HS2ST1: variants seen among roughly 807,000 people sequenced by gnomAD.
The protein encoded by HS2ST1 is 2-O-sulfotransferase.
In HS2ST1, 18 loss-of-function variants were observed where a neutral mutation model predicts 42.9. The ratio of observed to expected loss-of-function variants is 0.42; its 90% confidence interval spans 0.29 to 0.62. The LOEUF (loss-of-function observed/expected upper bound fraction) is 0.62, where lower values mean the gene tolerates loss of function less well. Among genes scored for constraint, HS2ST1 ranks in the 20% least tolerant of loss-of-function variants. The pLI, the probability that HS2ST1 is intolerant of heterozygous loss-of-function variation, is 0.21. For synonymous variants in HS2ST1, 146 were observed against 152.9 expected (o/e 0.95, Z 0.33); for missense variants, 334 against 433.8 (o/e 0.77, Z 2.04).
intron 2 of HS2ST1, among the ~76,000 whole-genome samples, chr1:87,080,720 C>T (rs1251440816): frequency 6.6e-6 from 1 of 152,156 alleles, no homozygotes; most frequent in East Asian, 1.9e-4. Flanking sequence ...CTCCATTCCC[C>T]CTGGTAGCTG....
chr1:86,950,360 A>ATAGGTAGG (rs148023492), intron 1 of HS2ST1, among the ~76,000 whole-genome samples: 1 of 151,956 alleles, frequency 6.6e-6, no homozygotes, highest in East Asian at 1.9e-4. Flanking sequence ...GGGTAGATAG[A>ATAGGTAGG]TAGGTAGGTA....
chr1:87,096,754 A>G (rs1274966881), intron 4 of HS2ST1, among the ~76,000 whole-genome samples: 1 of 152,232 alleles, frequency 6.6e-6, no homozygotes, highest in Non-Finnish European at 1.5e-5. Flanking sequence ...AATAGCTTCC[A>G]GCTGAGAACC....
chr1:86,923,683 A>T (rs1458689070), intron 1 of HS2ST1, among the ~76,000 whole-genome samples: 2 of 152,216 alleles, frequency 1.3e-5, no homozygotes, highest in Admixed American at 1.3e-4. Context: ...GGTGTGAGCC[A>T]CTTCGCCTGG....
intron 1 of HS2ST1, among the ~76,000 whole-genome samples, chr1:86,996,267 A>C (rs1287738542): frequency 6.6e-6 from 1 of 151,406 alleles, no homozygotes; most frequent in Non-Finnish European, 1.5e-5. Flanking sequence ...ACATGGAAAA[A>C]CCCCGTCTCT....
chr1:86,960,892 A>G (rs72949705), intron 1 of HS2ST1, among the ~76,000 whole-genome samples: 4,369 of 152,260 alleles, frequency 0.029, 222 homozygotes, highest in African/African-American at 0.1. Context: ...TTCTTACCAT[A>G]TGATCCAGCA....
intron 1 of HS2ST1, among the ~76,000 whole-genome samples, chr1:86,965,861 T>G (rs147344911): frequency 1.9e-3 from 292 of 152,328 alleles, no homozygotes; most frequent in African/African-American, 6.2e-3. Flanking sequence ...AGGAATGATA[T>G]GAATAAGCAA....
intron 1 of HS2ST1, among the ~76,000 whole-genome samples, chr1:87,038,755 T>C (rs910758746): frequency 6.6e-6 from 1 of 152,094 alleles, no homozygotes; most frequent in Admixed American, 6.6e-5. Flanking sequence ...AAGTGATCTC[T>C]GAACCAAAAA....
chr1:87,084,430 T>G (rs1040974160), intron 3 of HS2ST1, 151 bp downstream of exon 3: 1 of 540,236 alleles, frequency 1.9e-6, no homozygotes, highest in Non-Finnish European at 3.2e-6. Context: ...ATATACCTTC[T>G]TAGTGTTTTA....
chr1:87,013,337 A>G (rs771417958), intron 1 of HS2ST1, among the ~76,000 whole-genome samples: 1 of 152,218 alleles, frequency 6.6e-6, no homozygotes, highest in Non-Finnish European at 1.5e-5. Flanking sequence ...CACAGGCCCA[A>G]CATCACTTGT....
At chr1:87,055,215 A>G (rs1650932026) in intron 1 of HS2ST1, among the ~76,000 whole-genome samples, 1 of 152,212 alleles carries the variant, frequency 6.6e-6, no homozygotes, top group African/African-American at 2.4e-5. Context: ...GACCAGCTAC[A>G]TACTTGATTT....
chr1:87,026,431 G>T (rs768101977), intron 1 of HS2ST1, among the ~76,000 whole-genome samples: 1 of 152,116 alleles, frequency 6.6e-6, no homozygotes, highest in African/African-American at 2.4e-5. Flanking sequence ...ATAAATGTTC[G>T]TAAGTAATCT....
intron 1 of HS2ST1, among the ~76,000 whole-genome samples, chr1:87,040,798 A>C (rs1650500311): frequency 6.6e-6 from 1 of 152,146 alleles, no homozygotes. Flanking sequence ...CAGGGGGAAA[A>C]AAGCCAGTAG....
chr1:86,991,782 T>C (rs1187420845), intron 1 of HS2ST1, among the ~76,000 whole-genome samples: 1 of 152,122 alleles, frequency 6.6e-6, no homozygotes, highest in Admixed American at 6.5e-5. Context: ...AGTGAGAAAA[T>C]GTATGCTTAG....
chr1:87,000,192 A>G (rs964223415), intron 1 of HS2ST1, among the ~76,000 whole-genome samples: 6 of 152,184 alleles, frequency 3.9e-5, no homozygotes, highest in African/African-American at 1.4e-4. Flanking sequence ...TAAGTACATA[A>G]GAAGTGGACT....
At chr1:86,965,973 C>T (rs1006593146) in intron 1 of HS2ST1, among the ~76,000 whole-genome samples, 1 of 152,198 alleles carries the variant, frequency 6.6e-6, no homozygotes, top group Admixed American at 6.5e-5. Context: ...TCTCAATTTT[C>T]ATTTCCTCTG....
chr1:87,060,724 T>C (rs531623191), intron 1 of HS2ST1, among the ~76,000 whole-genome samples: 3 of 152,318 alleles, frequency 2.0e-5, no homozygotes, highest in South Asian at 4.1e-4. Context: ...TTATAACTTA[T>C]AAGGATTTCA....
chr1:87,103,259 A>G (rs913143004), intron 5 of HS2ST1, among the ~76,000 whole-genome samples, 173 bp from the exon 6 acceptor site: 55 of 152,224 alleles, frequency 3.6e-4, no homozygotes, highest in African/African-American at 1.2e-3. Flanking sequence ...CTGGAGATGG[A>G]AGCAAATGAA....
intron 1 of HS2ST1, among the ~76,000 whole-genome samples, chr1:87,023,564 A>G (rs1189499509): frequency 6.6e-6 from 1 of 152,164 alleles, no homozygotes; most frequent in Non-Finnish European, 1.5e-5. Flanking sequence ...ACAGATTAAC[A>G]CTGAGGCATA....
At chr1:86,966,964 T>A (rs963914394) in intron 1 of HS2ST1, among the ~76,000 whole-genome samples, 1 of 151,896 alleles carries the variant, frequency 6.6e-6, no homozygotes, top group South Asian at 2.1e-4. Flanking sequence ...CGATCTCAGC[T>A]CACTGCAACC....
Sources: allele counts gnomAD v4.1 joint callset (sites outside exome capture counted in the v4.1 genomes callset), GRCh38; gene constraint gnomAD v4.1.1; transcripts MANE v1.5; gene names NCBI Gene and HGNC (gene_info 2026-07-23, HGNC 2026-07-21).